The following CCDC12 variants were observed in gnomAD, a reference collection of about 807,000 sequenced individuals.
CCDC12 encodes the protein coiled-coil domain-containing protein 12.
In CCDC12, 28 loss-of-function variants were observed where a neutral mutation model predicts 25.7. The observed-to-expected ratio is 1.09, with a 90% confidence interval of 0.81 to 1.50. The LOEUF is 1.50. Ranked by LOEUF, CCDC12 falls within the 40% of genes most tolerant of loss-of-function variation. The probability of loss-of-function intolerance (pLI) is 0.00; values close to 1 mark genes in which losing one functional copy is unlikely to be tolerated. For synonymous variants in CCDC12, 75 were observed against 87.7 expected, an observed-to-expected ratio of 0.86 and a Z score of 0.81; for missense variants, 198 against 210.0, an observed-to-expected ratio of 0.94 and a Z score of 0.35.
chr3:46,970,881 G>C (rs1463742208), intron 1 of CCDC12, among the ~76,000 whole-genome samples: 1 of 152,124 alleles, frequency 6.6e-6, no homozygotes, highest in Non-Finnish European at 1.5e-5. Flanking sequence ...ACCCAGCCAG[G>C]AACTTCTGGA....
intron 2 of CCDC12, 84 bp from the exon 3 acceptor site, chr3:46,925,619 G>A (rs1481333599): frequency 3.3e-5 from 38 of 1,135,886 alleles, no homozygotes; most frequent in Non-Finnish European, 3.9e-5. Context: ...TGCATAGCCC[G>A]TGAATTCCTG....
intron 2 of CCDC12, among the ~76,000 whole-genome samples, chr3:46,939,632 C>G (rs1027773875): frequency 6.6e-6 from 1 of 152,116 alleles, no homozygotes; most frequent in African/African-American, 2.4e-5. Context: ...GGCTGAGGCC[C>G]AACAAAAAGC....
At chr3:46,940,879 C>G (rs967181692) in intron 2 of CCDC12, 119 bp downstream of exon 2, 1 of 969,696 alleles carries the variant, frequency 1.0e-6, no homozygotes, top group Non-Finnish European at 1.7e-6. Flanking sequence ...CAGCCATGGG[C>G]AGAAAGAAGA....
At chr3:46,922,679 C>A in intron 5 of CCDC12, 1 of 350,606 alleles carries the variant, frequency 2.9e-6, no homozygotes, top group Non-Finnish European at 5.3e-6. Context: ...CCGGCCCAGC[C>A]CCTCCACTGT....
chr3:46,981,748 T>C (rs886856627), intron 1 of CCDC12, among the ~76,000 whole-genome samples: 11 of 152,254 alleles, frequency 7.2e-5, no homozygotes, highest in African/African-American at 2.2e-4. Flanking sequence ...ATGTTAATGA[T>C]AGGTCTTCAG....
chr3:46,956,138 T>C (rs1221773899), intron 1 of CCDC12, among the ~76,000 whole-genome samples: 4 of 152,232 alleles, frequency 2.6e-5, no homozygotes, highest in Non-Finnish European at 5.9e-5. Context: ...CAGAGAAGTG[T>C]GATCACATCT....
chr3:46,923,588 G>C lies in CCDC12; in HGVS notation c.306+19C>G. 1 of 1,604,956 alleles carries C rather than the reference G, an allele frequency of 6.2e-7. No homozygotes were observed. Among genetic ancestry groups the C allele is most frequent in the African/African-American group, 1.3e-5 (1 of 74,966 alleles). On this transcript the variant is annotated intron_variant, in intron 4 of 6. Coordinates refer to ENST00000683445, the MANE Select transcript of CCDC12 (RefSeq NM_001277074.2). ...ACACACAGAAGCAGCGAGGATGCCAGGGTGGTCCAGGCACTCACCACCTCC... is the reference window on the plus strand; with the variant it reads ...ACACACAGAAGCAGCGAGGATGCCACGGTGGTCCAGGCACTCACCACCTCC...
At chr3:46,964,333 G>C (rs1198006113) in intron 1 of CCDC12, among the ~76,000 whole-genome samples, 1 of 149,156 alleles carries the variant, frequency 6.7e-6, no homozygotes, top group Non-Finnish European at 1.5e-5. Flanking sequence ...AGGGAGGTGG[G>C]GGGTCAGCCC....
At chr3:46,938,529 T>TG (rs1265298294) in intron 2 of CCDC12, among the ~76,000 whole-genome samples, 3 of 145,780 alleles carry the variant, frequency 2.1e-5, no homozygotes, top group Non-Finnish European at 4.5e-5. Context: ...TTTTTTTTTT[T>TG]TTTTTTTTTT....
At chr3:46,926,591 C>A (rs1161385120) in intron 2 of CCDC12, among the ~76,000 whole-genome samples, 1 of 152,110 alleles carries the variant, frequency 6.6e-6, no homozygotes, top group Non-Finnish European at 1.5e-5. Flanking sequence ...CACACAGAAG[C>A]AGGCTCCCAG....
At chr3:46,978,749 C>T (rs556698617), upstream of CCDC12, among the ~76,000 whole-genome samples, 2 of 151,856 alleles carry the variant, frequency 1.3e-5, no homozygotes, top group African/African-American at 2.4e-5. Flanking sequence ...TTTGGGAGGT[C>T]GAGGCGGGTG....
intron 1 of CCDC12, among the ~76,000 whole-genome samples, chr3:46,957,702 G>A (rs2034334040): frequency 6.6e-6 from 1 of 152,158 alleles, no homozygotes; most frequent in Non-Finnish European, 1.5e-5. Flanking sequence ...AGCACTTCAG[G>A]AGGCCAAGGT....
chr3:46,976,866 T>C, upstream of CCDC12: 2 of 1,435,752 alleles, frequency 1.4e-6, no homozygotes, highest in Non-Finnish European at 1.8e-6. Flanking sequence ...CAATGCGGGG[T>C]TATTATGGGC....
At chr3:46,938,972 C>T (rs573292791) in intron 2 of CCDC12, among the ~76,000 whole-genome samples, 15 of 152,316 alleles carry the variant, frequency 9.8e-5, no homozygotes, top group South Asian at 4.1e-4. Context: ...CTTCTGCTTT[C>T]GCTTTCTTGG....
intron 2 of CCDC12, among the ~76,000 whole-genome samples, chr3:46,926,911 C>T (rs2032984200): frequency 6.6e-6 from 1 of 152,208 alleles, no homozygotes. Context: ...AAAAGTGCTG[C>T]TGACTTCCTC....
chr3:46,973,028 C>T (rs1273622188), intron 1 of CCDC12, among the ~76,000 whole-genome samples: 1 of 151,862 alleles, frequency 6.6e-6, no homozygotes, highest in Non-Finnish European at 1.5e-5. Context: ...AGACTGATCT[C>T]CCTTCTCCTC....
intron 1 of CCDC12, among the ~76,000 whole-genome samples, chr3:46,949,778 C>T (rs1459138898): frequency 6.6e-6 from 1 of 152,162 alleles, no homozygotes; most frequent in Non-Finnish European, 1.5e-5. Context: ...CCTGTAATCC[C>T]AGCACTTTGG....
chr3:46,969,518 A>G (rs1201383506), intron 1 of CCDC12, among the ~76,000 whole-genome samples: 1 of 152,022 alleles, frequency 6.6e-6, no homozygotes, highest in Non-Finnish European at 1.5e-5. Context: ...CAGGCGTGAG[A>G]CACCACACCT....
chr3:46,980,769 C>T (rs189600592), upstream of CCDC12, among the ~76,000 whole-genome samples: 910 of 152,262 alleles, frequency 6.0e-3, 7 homozygotes, highest in Middle Eastern at 0.037. Flanking sequence ...CACATAGTCC[C>T]CCATTTTCCT....
Sources: allele counts gnomAD v4.1 joint callset (sites outside exome capture counted in the v4.1 genomes callset), GRCh38; gene constraint gnomAD v4.1.1; transcripts MANE v1.5; gene names NCBI Gene and HGNC (gene_info 2026-07-23, HGNC 2026-07-21).